The following ZBTB20 variants were observed in gnomAD, a reference collection of about 807,000 sequenced individuals.
The protein encoded by ZBTB20 is zinc finger and BTB domain-containing protein 20.
Under a neutral mutation model 56.9 loss-of-function variants are expected in ZBTB20, and 9 were observed. The ratio of observed to expected loss-of-function variants is 0.16; its 90% CI spans 0.10 to 0.28. The LOEUF is 0.28. Among genes scored for constraint, ZBTB20 ranks in the 10% least tolerant of loss-of-function variants. The pLI is 1.00. For missense variants in ZBTB20, 655 were observed against 1,003.0 expected, an observed-to-expected ratio of 0.65 and a Z score of 4.69; for synonymous variants, 417 against 420.7, an observed-to-expected ratio of 0.99 and a Z score of 0.11.
chr3:114,984,804 C>T (rs2078468751), intron 2 of ZBTB20, among the ~76,000 whole-genome samples: 1 of 152,042 alleles, frequency 6.6e-6, no homozygotes, highest in Admixed American at 6.6e-5. Flanking sequence ...CCCAAGAGCA[C>T]TCTCACACAG....
chr3:114,643,364 A>G (rs2059658149), intron 6 of ZBTB20, among the ~76,000 whole-genome samples: 2 of 152,122 alleles, frequency 1.3e-5, no homozygotes, highest in African/African-American at 4.8e-5. Context: ...ATGAGTTCTA[A>G]TAAGGAACAA....
At chr3:114,748,310 C>CTT (rs1173075017) in intron 5 of ZBTB20, among the ~76,000 whole-genome samples, 2 of 134,836 alleles carry the variant, frequency 1.5e-5, no homozygotes, top group Admixed American at 1.5e-4. Flanking sequence ...TTCTTTCTTT[C>CTT]TTTCTTTCTT....
At chr3:114,849,427 ACTTCCT>A (rs917730508) in intron 4 of ZBTB20, among the ~76,000 whole-genome samples, 1 of 152,218 alleles carries the variant, frequency 6.6e-6, no homozygotes, top group African/African-American at 2.4e-5. Flanking sequence ...ACTTGGATAC[ACTTCCT>A]CTGTGACCAT....
At chr3:114,414,316 A>G (rs1362871848) in intron 7 of ZBTB20, among the ~76,000 whole-genome samples, 1 of 152,070 alleles carries the variant, frequency 6.6e-6, no homozygotes, top group Non-Finnish European at 1.5e-5. Context: ...TGCTTTGGTG[A>G]CTCTAATGTT....
At chr3:114,601,623 A>C (rs9842986) in intron 6 of ZBTB20, among the ~76,000 whole-genome samples, 3 of 151,782 alleles carry the variant, frequency 2.0e-5, no homozygotes, top group Non-Finnish European at 4.4e-5. Context: ...ATAATAGATA[A>C]ATAGCTAGAT....
Position 114,720,956 on chromosome 3 carries a change from C to T in ZBTB20, c.-342-27381G>A, listed in dbSNP as rs113188505. ...CAAAGGAAAGCTTCAGTATGATGAA[C>T]AAATCTAGTTATACTTTGAAAAACA... On this transcript the variant is annotated intron_variant, in intron 5 of 11. Transcript: ENST00000675478. Among the ~76,000 whole-genome samples the T allele has an allele frequency of 4.9e-4, 75 of 152,158 alleles. 1 individual carries two copies. Among genetic ancestry groups the T allele is most frequent in the African/African-American group, 1.8e-3 (75 of 41,514 alleles).
intron 1 of ZBTB20, among the ~76,000 whole-genome samples, chr3:115,087,181 A>G (rs1288849540): frequency 6.6e-6 from 1 of 151,846 alleles, no homozygotes; most frequent in East Asian, 1.9e-4. Context: ...AAAAGGTATC[A>G]AAATTTAGCT....
intron 5 of ZBTB20, among the ~76,000 whole-genome samples, chr3:114,748,594 G>A (rs1256717910): frequency 6.6e-6 from 1 of 151,954 alleles, no homozygotes; most frequent in Non-Finnish European, 1.5e-5. Context: ...TGGAGTTTGG[G>A]GTGCAATCTG....
At position 115,146,634 on chromosome 3, in the gene ZBTB20, G is replaced by A. The variant is rs925043895; in HGVS notation, c.-703+585C>T. On this transcript the variant is annotated intron_variant, in intron 1 of 11. Coordinates refer to ENST00000675478, the MANE Select transcript of ZBTB20 (RefSeq NM_001348800.3). The stretch of plus-strand genomic sequence containing the variant: ...GGGGCCGGGAGCTCCGGCGTCTGGA[G>A]AGACATCCAGCGGCTGTGGGGCCAG... Among the ~76,000 whole-genome samples, 32 of 152,182 alleles carry A rather than the reference G, an allele frequency of 2.1e-4. 1 individual carries two copies. Among genetic ancestry groups the A allele is most frequent in the Admixed American group, 2.1e-3 (32 of 15,284 alleles).
At chr3:114,573,573 AGAAAAAG>A (rs2053679100) in intron 6 of ZBTB20, among the ~76,000 whole-genome samples, 1 of 151,600 alleles carries the variant, frequency 6.6e-6, no homozygotes, top group Admixed American at 6.6e-5. Flanking sequence ...AAGAAAAAAG[AGAAAAAG>A]GAAAAAGAAA....
chr3:115,006,416 T>C (rs2079472726), intron 2 of ZBTB20, among the ~76,000 whole-genome samples: 1 of 151,462 alleles, frequency 6.6e-6, no homozygotes, highest in South Asian at 2.1e-4. Flanking sequence ...CACTCTAAAA[T>C]GTGCTCATAT....
At chr3:114,649,146 G>A (rs887029578) in intron 6 of ZBTB20, among the ~76,000 whole-genome samples, 1 of 151,894 alleles carries the variant, frequency 6.6e-6, no homozygotes, top group African/African-American at 2.4e-5. Context: ...TAACTTTAAG[G>A]AGAAAAATAC....
chr3:114,731,607 T>C (rs2065754349), intron 5 of ZBTB20, among the ~76,000 whole-genome samples: 2 of 152,208 alleles, frequency 1.3e-5, no homozygotes, highest in African/African-American at 4.8e-5. Flanking sequence ...TATTGAGCCA[T>C]TTGTTTGTAC....
At chr3:114,831,520 G>A (rs748430499) in intron 4 of ZBTB20, among the ~76,000 whole-genome samples, 4 of 151,958 alleles carry the variant, frequency 2.6e-5, no homozygotes, top group African/African-American at 4.8e-5. Context: ...AACTCTTCAC[G>A]TCAGGCAACA....
chr3:114,839,471 G>GAC (rs2074287697), intron 4 of ZBTB20, among the ~76,000 whole-genome samples: 1 of 151,376 alleles, frequency 6.6e-6, no homozygotes, highest in African/African-American at 2.4e-5. Context: ...AAGAAAGAGA[G>GAC]AGAGAAAGAA....
chr3:115,051,415 G>A (rs117839644), intron 2 of ZBTB20, among the ~76,000 whole-genome samples: 3 of 152,230 alleles, frequency 2.0e-5, no homozygotes, highest in East Asian at 1.9e-4. Context: ...TGATGTTTAA[G>A]CTGATATGAT....
At chr3:114,411,074 A>C (rs2087901748) in intron 7 of ZBTB20, among the ~76,000 whole-genome samples, 1 of 152,200 alleles carries the variant, frequency 6.6e-6, no homozygotes, top group Non-Finnish European at 1.5e-5. Context: ...ACAGGGTTAA[A>C]AGCAAACTGA....
intron 1 of ZBTB20, among the ~76,000 whole-genome samples, chr3:115,144,299 T>C (rs2084903363): frequency 6.6e-6 from 1 of 152,190 alleles, no homozygotes; most frequent in Non-Finnish European, 1.5e-5. Flanking sequence ...GACTGGCCTT[T>C]TTTTCTAGAA....
At chr3:114,610,882 C>T (rs1298894729) in intron 6 of ZBTB20, among the ~76,000 whole-genome samples, 6 of 152,010 alleles carry the variant, frequency 3.9e-5, no homozygotes, top group Admixed American at 2.6e-4. Context: ...AACATAGCAA[C>T]GTGTACACAC....
Sources: gnomAD v4.1 joint callset for allele counts (sites outside exome capture counted in the v4.1 genomes callset) on GRCh38, gnomAD v4.1.1 for gene constraint, MANE v1.5 for transcripts, NCBI Gene and HGNC (gene_info 2026-07-23, HGNC 2026-07-21) for gene names.